The following HSPA4L variants were observed in gnomAD, a reference collection of about 807,000 sequenced individuals.
The protein encoded by HSPA4L is heat shock 70 kDa protein 4L.
HSPA4L carries 48 observed loss-of-function variants against 100.3 expected under a neutral mutation model. The observed-to-expected ratio is 0.48, with a 90% confidence interval of 0.38 to 0.61. The LOEUF (loss-of-function observed/expected upper bound fraction) is 0.61, where lower values mean the gene tolerates loss of function less well. HSPA4L is among the 20% of genes least tolerant of loss of function. The pLI, the probability that HSPA4L is intolerant of heterozygous loss-of-function variation, is 0.00. For synonymous variants in HSPA4L, 319 were observed against 328.2 expected, an observed-to-expected ratio of 0.97 and a Z score of 0.30; for missense variants, 886 against 988.6, an observed-to-expected ratio of 0.90 and a Z score of 1.39.
chr4:127,812,897 G>A (rs1733577004), intron 12 of HSPA4L: 18 of 884,340 alleles, frequency 2.0e-5, no homozygotes, highest in Non-Finnish European at 3.4e-5. Context: ...AAGCTATCTC[G>A]GCTCTTAGAG....
chr4:127,795,507 A>G (rs918886477), intron 2 of HSPA4L, among the ~76,000 whole-genome samples: 2 of 152,164 alleles, frequency 1.3e-5, no homozygotes, highest in Admixed American at 6.5e-5. Flanking sequence ...TTAAAGGTTT[A>G]TTCGTTCTCT....
In HSPA4L at chr4:127,820,442, C is replaced by G. The variant is rs1389336497; in HGVS notation, c.1689C>G (p.Asp563Glu). Residue 563 changes from aspartate to glutamate, a missense_variant, in exon 14 of 19, where the codon GAC (aspartate) becomes GAG (glutamate). By Grantham distance (45) the Asp-to-Glu change is conservative. Transcript: ENST00000296464. ...TGAKTKSAVS[D>E]KQDRLNQTLK... ...CGGATTTGCAGTCAGCTGTCTCAGA[C>G]AAACAAGACCGATTAAATCAGACAC... The G allele has an allele frequency of 6.3e-7, 1 of 1,593,464 alleles. No homozygotes were observed. The highest frequency in any genetic ancestry group is 8.5e-7 in the Non-Finnish European group (1 of 1,173,574).
Position 127,827,423 on chromosome 4 carries a change from A to C in HSPA4L, c.2165A>C (p.Lys722Thr), listed in dbSNP as rs1733975500. 1.2e-6 allele frequency: 2 copies of C among 1,613,522 alleles called. No individual in the cohort carries two copies. The highest frequency in any genetic ancestry group is 1.7e-6 in the Non-Finnish European group (2 of 1,179,646). Residue 722 changes from lysine (K) to threonine (T), a missense_variant and splice_region_variant, in exon 17 of 19, where the codon AAG (lysine) becomes ACG (threonine). Physicochemically the swap from Lys to Thr is moderately conservative, Grantham distance 78. Transcript: ENST00000296464. ...AAAGTGATAGAAGCTTATAGAAACA[A>C]GGTATTGAATTCATAAAGCCAATTG... Reference protein sequence around the residue: ...VMKVIEAYRNKDERYDHLDPT... With the variant: ...VMKVIEAYRNTDERYDHLDPT...
At position 127,836,738 on chromosome 4, in the gene HSPA4L, A is replaced by G. The variant is rs1294813265; in HGVS notation, c.*3864A>G. On this transcript the variant is annotated 3_prime_UTR_variant, in exon 19 of 19. Coordinates refer to ENST00000296464, the MANE Select transcript of HSPA4L (RefSeq NM_014278.4). ...AATTAACTGATTTTGTTTTCACCCT[A>G]AATACATACAACCATTCCTCCACTT... is the stretch of plus-strand genomic sequence containing the variant. 6.6e-6 allele frequency: 1 copy of G among 152,128 alleles called. No homozygotes were observed. The allele number at this position is 152,128 out of a possible 1,614,324, so 9.4% of individuals were successfully genotyped here.
At chr4:127,804,202 C>T (rs1025878403) in intron 8 of HSPA4L, 115 bp downstream of exon 8, 1 of 765,566 alleles carries the variant, frequency 1.3e-6, no homozygotes, top group Non-Finnish European at 2.1e-6. Context: ...ATTTATATTT[C>T]TCATTTTAGG....
intron 2 of HSPA4L, among the ~76,000 whole-genome samples, chr4:127,794,515 T>C (rs912334547): frequency 2.0e-5 from 3 of 152,000 alleles, no homozygotes; most frequent in African/African-American, 4.8e-5. Context: ...AAGAACTAAT[T>C]TCCAGAGTAA....
Position 127,782,373 on chromosome 4 carries a change from G to A in HSPA4L, c.-178G>A. On this transcript the variant is annotated 5_prime_UTR_variant, in exon 1 of 19. Transcript: ENST00000296464. The stretch of plus-strand genomic sequence containing the variant: ...CGCGGTGCAGGCTGCGGCGCTGACG[G>A]CCTCTGCTCCTTCCGCGGGTTTCCG... 2 of 593,886 alleles carry A rather than the reference G, an allele frequency of 3.4e-6. No homozygotes were observed. Among genetic ancestry groups the A allele is most frequent in the South Asian group, 3.9e-5 (2 of 51,138 alleles). The allele number at this position is 593,886 out of a possible 1,614,324, so 36.8% of individuals were successfully genotyped here.
At chr4:127,794,259 C>CT (rs1553932546) in intron 2 of HSPA4L, 125 bp downstream of exon 2, 1 of 583,752 alleles carries the variant, frequency 1.7e-6, no homozygotes, top group Non-Finnish European at 2.9e-6. Context: ...GGTACTACAT[C>CT]TTTGTTTTGT....
At chr4:127,789,818 C>G (rs760548061) in intron 1 of HSPA4L, among the ~76,000 whole-genome samples, 102 of 152,266 alleles carry the variant, frequency 6.7e-4, no homozygotes, top group Middle Eastern at 3.4e-3. Context: ...TATAATGTGT[C>G]TGTTTCCCTT....
intron 1 of HSPA4L, among the ~76,000 whole-genome samples, chr4:127,793,006 G>A (rs1732918475): frequency 6.6e-6 from 1 of 152,208 alleles, no homozygotes; most frequent in South Asian, 2.1e-4. Context: ...GCAGGGTAGA[G>A]CAGCCAAGGA....
At chr4:127,787,434 A>C (rs932804761) in intron 1 of HSPA4L, among the ~76,000 whole-genome samples, 1 of 152,192 alleles carries the variant, frequency 6.6e-6, no homozygotes, top group Non-Finnish European at 1.5e-5. Flanking sequence ...TACACAAAGT[A>C]AGTCTCCCCC....
At chr4:127,824,991 T>G (rs1387598262) in intron 16 of HSPA4L, among the ~76,000 whole-genome samples, 1 of 151,860 alleles carries the variant, frequency 6.6e-6, no homozygotes, top group African/African-American at 2.4e-5. Flanking sequence ...ATACAAAAAA[T>G]TAGCTGAGCG....
In HSPA4L at chr4:127,800,173, A is replaced by G. The variant is rs184856618; in HGVS notation, c.430-965A>G. On this transcript the variant is annotated intron_variant, in intron 4 of 18. Coordinates refer to ENST00000296464, the MANE Select transcript of HSPA4L (RefSeq NM_014278.4). Reference sequence around the variant, plus strand: ...TAATTTTTAAATAGAGATGTAGTTAATGGGCTGGGCATGGCGGCTTATGTC... The same window carrying G: ...TAATTTTTAAATAGAGATGTAGTTAGTGGGCTGGGCATGGCGGCTTATGTC... Among the ~76,000 whole-genome samples, 50 of 152,306 alleles carry G rather than the reference A, an allele frequency of 3.3e-4. No individual in the cohort carries two copies. The East Asian group carries it at 7.3e-3, about 22-fold the overall frequency.
At chr4:127,830,538 C>CA in intron 17 of HSPA4L, 100 bp from the exon 18 acceptor site, 1 of 817,798 alleles carries the variant, frequency 1.2e-6, no homozygotes, top group Non-Finnish European at 1.8e-6. Flanking sequence ...TTGAGATATA[C>CA]AGTCAATAAG....
intron 14 of HSPA4L, among the ~76,000 whole-genome samples, chr4:127,821,496 T>G (rs1390986812): frequency 1.3e-5 from 2 of 152,298 alleles, no homozygotes; most frequent in South Asian, 4.1e-4. Context: ...GGTTATTTCT[T>G]TGCTTTTGTT....
chr4:127,829,314 G>A (rs914766389), intron 17 of HSPA4L, among the ~76,000 whole-genome samples: 3 of 152,044 alleles, frequency 2.0e-5, no homozygotes, highest in Admixed American at 2.0e-4. Flanking sequence ...GGTCTAGTTG[G>A]CCCTTGTAAA....
At chr4:127,826,553 T>G (rs1733955447) in intron 16 of HSPA4L, among the ~76,000 whole-genome samples, 2 of 152,330 alleles carry the variant, frequency 1.3e-5, no homozygotes, top group South Asian at 4.1e-4. Flanking sequence ...AATGCTCCAG[T>G]GGTAGTTTCT....
Position 127,835,194 on chromosome 4 carries a change from A to ATT in HSPA4L, c.*2320_*2321insTT. On this transcript the variant is annotated 3_prime_UTR_variant, in exon 19 of 19. Transcript: ENST00000296464. The stretch of plus-strand genomic sequence containing the variant: ...TCAGAAATTATTTTAAAAGATGCAT[A>ATT]GTAAAACAGTGTTTTCCTATGGTAA... The ATT allele has an allele frequency of 6.6e-6, 1 of 151,500 alleles. No individual in the cohort carries two copies. Among genetic ancestry groups the ATT allele is most frequent in the South Asian group, 2.1e-4 (1 of 4,824 alleles). 9.4% of individuals were successfully genotyped at this position (151,500 alleles called of 1,614,324 possible).
intron 10 of HSPA4L, 55 bp from the exon 11 acceptor site, chr4:127,807,941 G>C: frequency 6.5e-7 from 1 of 1,533,916 alleles, no homozygotes; most frequent in Non-Finnish European, 8.8e-7. Context: ...TCAGTAAATA[G>C]GTTCATAGGC....
Sources: allele counts gnomAD v4.1 joint callset (sites outside exome capture counted in the v4.1 genomes callset), GRCh38; gene constraint gnomAD v4.1.1; transcripts MANE v1.5; gene names NCBI Gene and HGNC (gene_info 2026-07-23, HGNC 2026-07-21).